The following DLG1 variants were observed in gnomAD, a reference collection of about 807,000 sequenced individuals.
The protein encoded by DLG1 is disks large homolog 1.
Under a neutral mutation model 123.4 loss-of-function variants are expected in DLG1, and 42 were observed. The ratio of observed to expected loss-of-function variants is 0.34; its 90% CI spans 0.27 to 0.44. The LOEUF is 0.44. DLG1 is among the 20% of genes least tolerant of loss of function. DLG1 has a pLI of 1.00. For missense variants in DLG1, 942 were observed against 1,082.6 expected (o/e 0.87, Z 1.82); for synonymous variants, 317 against 356.2 (o/e 0.89, Z 1.24).
intron 5 of DLG1, among the ~76,000 whole-genome samples, chr3:197,190,937 G>A (rs934178873): frequency 2.0e-5 from 3 of 152,174 alleles, no homozygotes; most frequent in Non-Finnish European, 4.4e-5. Flanking sequence ...GTGAACCCGG[G>A]AGGCGGAGCT....
rs201830088 is a variant in DLG1, at chr3:197,130,550, T to C, written c.1142A>G (p.Tyr381Cys). ...ACAGTTGGTGATATCAGGTGGTGCA[T>C]AGCCATCATTCATATACATACTTGT... ...KPTSMYMNDG[Y>C]APPDITNSSS... The change falls in exon 11 of 25, where the codon TAT (tyrosine) becomes TGT (cysteine). Residue 381 changes from tyrosine to cysteine, a missense_variant. Transcript: ENST00000667157. The C allele has an allele frequency of 2.9e-5, 46 of 1,609,228 alleles. No homozygotes were observed. Among genetic ancestry groups the C allele is most frequent in the Admixed American group, 2.5e-4 (15 of 59,414 alleles).
At chr3:197,250,444 C>G (rs2150847730) in intron 4 of DLG1, among the ~76,000 whole-genome samples, 1 of 151,950 alleles carries the variant, frequency 6.6e-6, no homozygotes, top group African/African-American at 2.4e-5. Context: ...TGGTGGGCAC[C>G]TGTAATCCCA....
rs1239954689 is a variant in DLG1 at position 197,183,784 on chromosome 3, T to C, written c.483+10641A>G. On this transcript the variant is annotated intron_variant, in intron 5 of 24. Transcript: ENST00000667157. ...CGACTGCCGCGAGAGTATAGAAGTG[T>C]GTTGTTTCCGAAAATGTAATTCATC... 3.2e-6 allele frequency: 5 copies of C among 1,550,326 alleles called. No homozygotes were observed. In the South Asian group the frequency reaches 5.9e-5, roughly 18 times the overall value.
At chr3:197,092,823 T>C (rs1758485793) in intron 14 of DLG1, among the ~76,000 whole-genome samples, 1 of 152,198 alleles carries the variant, frequency 6.6e-6, no homozygotes, top group Non-Finnish European at 1.5e-5. Context: ...TTAAAATCAC[T>C]TGGAATAGTT....
intron 10 of DLG1, among the ~76,000 whole-genome samples, chr3:197,134,560 T>C (rs1296897791): frequency 2.0e-5 from 3 of 152,030 alleles, no homozygotes; most frequent in African/African-American, 4.8e-5. Context: ...CTTCCTACTA[T>C]GCCAGATCCA....
intron 24 of DLG1, among the ~76,000 whole-genome samples, chr3:197,046,314 C>T (rs1578031595): frequency 6.6e-6 from 1 of 152,190 alleles, no homozygotes; most frequent in African/African-American, 2.4e-5. Flanking sequence ...GGGAAATATA[C>T]ATTTTGCTTA....
At chr3:197,070,747 A>G (rs965266324) in intron 18 of DLG1, 1 of 150,684 alleles carries the variant, frequency 6.6e-6, no homozygotes, top group African/African-American at 2.4e-5. Context: ...TAATTTTTCT[A>G]TTTTTAGTAG....
At chr3:197,242,105 T>A (rs886594424) in intron 4 of DLG1, among the ~76,000 whole-genome samples, 1 of 152,094 alleles carries the variant, frequency 6.6e-6, no homozygotes, top group African/African-American at 2.4e-5. Flanking sequence ...GGAAAAGATA[T>A]TTCATGCAAC....
rs1180482729 is a variant in DLG1, at chr3:197,051,461, T to TA, written c.2575+115dup. 5 of 751,822 alleles carry TA rather than the reference T, an allele frequency of 6.7e-6. No individual in the cohort carries two copies. In the African/African-American group the frequency reaches 7.1e-5, roughly 11 times the overall value. The allele number at this position is 751,822 out of a possible 1,614,324, so 46.6% of individuals were successfully genotyped here. A position where few individuals can be genotyped will look rare whatever the true frequency, so the allele number is the denominator to read the frequency against. The stretch of plus-strand genomic sequence containing the variant: ...CAGCACCACTGCCTAGGCTGGATGA[T>TA]ACTAGTTACTACGGGTAGATGTAGG... On this transcript the variant is annotated intron_variant, in intron 24 of 24. Coordinates refer to ENST00000667157, the MANE Select transcript of DLG1 (RefSeq NM_001366207.1).
intron 4 of DLG1, among the ~76,000 whole-genome samples, chr3:197,249,114 G>C (rs886982209): frequency 7.9e-5 from 12 of 151,976 alleles, no homozygotes; most frequent in African/African-American, 2.9e-4. Flanking sequence ...AAATAAAATT[G>C]AGAATAAAAC....
intron 14 of DLG1, among the ~76,000 whole-genome samples, chr3:197,104,292 G>C (rs60161346): frequency 0.011 from 1,640 of 152,208 alleles, 32 homozygotes; most frequent in African/African-American, 0.037. Context: ...TATGTCTTCA[G>C]TTACAGAACA....
intron 19 of DLG1, among the ~76,000 whole-genome samples, chr3:197,066,993 T>C (rs1362283933): frequency 3.3e-5 from 5 of 152,212 alleles, no homozygotes; most frequent in South Asian, 4.1e-4. Context: ...TTATATTTTA[T>C]AGATAATCAA....
intron 24 of DLG1, among the ~76,000 whole-genome samples, chr3:197,048,758 C>CA (rs1165787678): frequency 2.0e-5 from 3 of 152,086 alleles, no homozygotes; most frequent in Non-Finnish European, 4.4e-5. Flanking sequence ...CAGGTTCAAG[C>CA]AATTCTCCTG....
intron 5 of DLG1, among the ~76,000 whole-genome samples, chr3:197,178,638 T>C (rs140910866): frequency 1.6e-4 from 24 of 152,178 alleles, no homozygotes; most frequent in East Asian, 9.6e-4. Context: ...CCTGAGACAT[T>C]TGAACATTTA....
chr3:197,192,668 A>G lies in DLG1; in HGVS notation c.483+1757T>C, dbSNP rs530253364. Reference sequence around the variant, plus strand: ...TATTCAGCTATCCTACATGTAACTTATATTTACATATACACATATGAATGT... The same window carrying G: ...TATTCAGCTATCCTACATGTAACTTGTATTTACATATACACATATGAATGT... On this transcript the variant is annotated intron_variant, in intron 5 of 24. Coordinates refer to ENST00000667157, the MANE Select transcript of DLG1 (RefSeq NM_001366207.1). Among the ~76,000 whole-genome samples, 8 of 152,220 alleles carry G rather than the reference A, an allele frequency of 5.3e-5. No homozygotes were observed. In the East Asian group the frequency reaches 1.4e-3, roughly 26 times the overall value.
chr3:197,184,656 C>A lies in DLG1; in HGVS notation c.483+9769G>T, dbSNP rs144588162. On this transcript the variant is annotated intron_variant, in intron 5 of 24. Coordinates refer to ENST00000667157, the MANE Select transcript of DLG1 (RefSeq NM_001366207.1). The stretch of plus-strand genomic sequence containing the variant: ...AACCTTTATGATAAAAAAGAACTTT[C>A]AAGAAATTATCAGCATCATCTCTCT... Among the ~76,000 whole-genome samples the A allele has an allele frequency of 5.5e-3, 833 of 152,278 alleles. 7 individuals are homozygous for A. The highest frequency in any genetic ancestry group is 7.7e-3 in the Non-Finnish European group (521 of 68,012).
At chr3:197,055,154 G>A (rs1730790862) in intron 23 of DLG1, among the ~76,000 whole-genome samples, 1 of 152,048 alleles carries the variant, frequency 6.6e-6, no homozygotes, top group Non-Finnish European at 1.5e-5. Context: ...GTCTCACTAT[G>A]TTGCCCAGGC....
intron 5 of DLG1, chr3:197,161,599 C>A (rs1398823742): frequency 8.4e-7 from 1 of 1,196,182 alleles, no homozygotes; most frequent in Middle Eastern, 2.4e-4. Flanking sequence ...ACATTAAAAG[C>A]AAATGAAATT....
At chr3:197,090,307 GAAA>G (rs36030396) in intron 15 of DLG1, among the ~76,000 whole-genome samples, 4 of 145,100 alleles carry the variant, frequency 2.8e-5, no homozygotes, top group Non-Finnish European at 1.5e-5. Flanking sequence ...CCAACGAAAT[GAAA>G]AAAAAAAAAA....
Sources: gnomAD v4.1 joint callset for allele counts (sites outside exome capture counted in the v4.1 genomes callset) on GRCh38, gnomAD v4.1.1 for gene constraint, MANE v1.5 for transcripts, NCBI Gene and HGNC (gene_info 2026-07-23, HGNC 2026-07-21) for gene names.